The following HELZ2 variants were observed in gnomAD, a reference collection of about 807,000 sequenced individuals.
The protein encoded by HELZ2 is 3'-5' exoribonuclease HELZ2.
HELZ2 carries 143 observed loss-of-function variants against 208.8 expected under a neutral mutation model. The observed-to-expected ratio is 0.68, with a 90% CI of 0.60 to 0.79. The LOEUF (loss-of-function observed/expected upper bound fraction) is 0.79. HELZ2 is among the 30% of genes least tolerant of loss of function. The pLI is 0.00. For missense variants in HELZ2, 3,690 were observed against 3,794.5 expected (o/e 0.97, Z 0.72); for synonymous variants, 1,705 against 1,693.7 (o/e 1.01, Z -0.16).
At chr20:63,566,910 G>T in exon 6 of HELZ2, 1 of 1,609,492 alleles carries the variant, frequency 6.2e-7, no homozygotes. Flanking sequence ...TGGGCCAGGT[G>T]TTGTAGGCCT....
exon 8 of HELZ2, chr20:63,564,059 C>T: frequency 6.2e-7 from 1 of 1,605,354 alleles, no homozygotes; most frequent in Non-Finnish European, 8.5e-7. Context: ...GGGACTGCCC[C>T]CGCCGCCGTG....
In HELZ2 at chr20:63,563,732, G is replaced by A. The variant is rs768287959; in HGVS notation, c.5090C>T (p.Ala1697Val). Residue 1697 changes from alanine to valine, a missense_variant, in exon 8 of 19, where the codon GCC becomes GTC. Transcript: ENST00000467148. ...CCCATCGATGTCCCTGGCAGAGTAGGCAGAGCCCCCATGGCCCAGCGCCAG... is the reference window on the plus strand; with the variant it reads ...CCCATCGATGTCCCTGGCAGAGTAGACAGAGCCCCCATGGCCCAGCGCCAG... The A allele has an allele frequency of 1.9e-6, 3 of 1,598,756 alleles. No homozygotes were observed. In the Admixed American group the frequency reaches 5.1e-5, roughly 27 times the overall value.
chr20:63,559,158 C>A, downstream of HELZ2: 2 of 1,343,802 alleles, frequency 1.5e-6, no homozygotes, highest in Non-Finnish European at 1.9e-6. Context: ...CTGGCCCAGG[C>A]AGGCTGATGG....
intron 17 of HELZ2, 36 bp from the exon 19 acceptor site, chr20:63,560,131 G>GGCCCCCC: frequency 2.6e-6 from 4 of 1,530,994 alleles, no homozygotes; most frequent in Non-Finnish European, 3.5e-6. Context: ...CTGCCGCTGC[G>GGCCCCCC]CCCACCCTCC....
intron 18 of HELZ2, 69 bp downstream of exon 19, chr20:63,559,859 G>C (rs141784306): frequency 2.6e-6 from 4 of 1,544,024 alleles, no homozygotes; most frequent in Non-Finnish European, 2.6e-6. Flanking sequence ...GGCAGGAGTC[G>C]GCAGCTCCCT....
At chr20:63,573,379 C>T (rs1182719476), upstream of HELZ2, among the ~76,000 whole-genome samples, 1 of 152,204 alleles carries the variant, frequency 6.6e-6, no homozygotes, top group Non-Finnish European at 1.5e-5. The surrounding 1 kb of genome is among the most constrained non-coding windows in gnomAD (Gnocchi z 4.9). Flanking sequence ...GGACTCTCCC[C>T]ACCCTGACGC....
exon 8 of HELZ2, chr20:63,563,986 G>T (rs2082918996): frequency 6.2e-7 from 1 of 1,602,790 alleles, no homozygotes. Context: ...CGTAGTCCTG[G>T]GTGCGGGCAG....
chr20:63,566,884 C>T (rs755695402), exon 6 of HELZ2: 21 of 1,606,620 alleles, frequency 1.3e-5, no homozygotes, highest in Admixed American at 8.3e-5. Flanking sequence ...CCTCTGCTCG[C>T]GGCCGCCCCA....
chr20:63,566,169 C>T (rs1411159103), exon 8 of HELZ2: 3 of 1,536,394 alleles, frequency 2.0e-6, no homozygotes, highest in South Asian at 1.2e-5. Context: ...GCCAGTGCCC[C>T]AGGGCTGAGC....
intron 3 of HELZ2, chr20:63,570,275 C>G (rs1182986371): frequency 1.5e-6 from 1 of 679,678 alleles, no homozygotes; most frequent in South Asian, 1.5e-5. Context: ...CTTGTTTTAA[C>G]CCATATACTC....
chr20:63,568,346 G>C lies in HELZ2; in HGVS notation c.1730+12C>G. 2 of 1,600,202 alleles carry C rather than the reference G, an allele frequency of 1.2e-6. No individual in the cohort carries two copies. The highest frequency in any genetic ancestry group is 1.7e-6 in the Non-Finnish European group (2 of 1,170,174). On this transcript the variant is annotated intron_variant, in intron 5 of 18. Coordinates refer to ENST00000467148, the Ensembl canonical transcript of HELZ2. ...GTCAGGTGAGGTGGGGGCAGGCCAG[G>C]CTCGGGCTTACCTGTTGGTGTGTGT...
rs756289323 is a variant in HELZ2, at chr20:63,560,943, C to T, written c.7147-14G>A. 6.2e-7 allele frequency: 1 copy of T among 1,611,440 alleles called. No homozygotes were observed. Among genetic ancestry groups the T allele is most frequent in the Non-Finnish European group, 8.5e-7 (1 of 1,179,082 alleles). The stretch of plus-strand genomic sequence containing the variant: ...GAGAAGAACCACCTGGAGGAATAGG[C>T]AGGCCTGGCCCTGACACCCCTAGAC... On this transcript the variant is annotated splice_polypyrimidine_tract_variant and intron_variant, in intron 14 of 18. Coordinates refer to ENST00000467148, the Ensembl canonical transcript of HELZ2.
At chr20:63,563,807 G>T (rs1428686682) in exon 8 of HELZ2, 2 of 1,601,182 alleles carry the variant, frequency 1.2e-6, no homozygotes, top group Non-Finnish European at 1.7e-6. Flanking sequence ...GATGGGCGAG[G>T]TGGCCCACGT....
chr20:63,560,290 AC>A lies in HELZ2; in HGVS notation c.7537del (p.Val2513Ter), dbSNP rs757223942. 14 of 1,561,156 alleles carry A rather than the reference AC, an allele frequency of 9.0e-6. No homozygotes were observed. The highest frequency in any genetic ancestry group is 1.1e-5 in the Non-Finnish European group (13 of 1,157,224). On this transcript the variant is annotated frameshift_variant, in exon 17 of 19. Transcript: ENST00000467148. LOFTEE classifies it high-confidence loss of function. ...GAGGACGGCGATGTCCTGGGGCTCT[AC>A]GGTCCTCCCCAGGGTCAGCTGCTTG...
In HELZ2 at chr20:63,562,389, G is replaced by A; in HGVS notation, c.6303-7C>T. 4 of 1,576,422 alleles carry A rather than the reference G, an allele frequency of 2.5e-6. No homozygotes were observed. Among genetic ancestry groups the A allele is most frequent in the Non-Finnish European group, 3.4e-6 (4 of 1,169,728 alleles). On this transcript the variant is annotated splice_polypyrimidine_tract_variant and splice_region_variant and intron_variant, in intron 8 of 18. Transcript: ENST00000467148. ...CACGGCTTCCTCCTTGCGGCTGGGG[G>A]TGAAGGCAGACACTGGAAAACCAAC...
rs752246826 is a variant in HELZ2 at position 63,563,502 on chromosome 20, C to T, written c.5320G>A (p.Gly1774Ser). Residue 1774 changes from glycine (G) to serine (S), a missense_variant, in exon 8 of 19, where the codon GGC becomes AGC. Transcript: ENST00000467148. ...GGGTGCTCGGCCAGCTGCAGGGAGC[C>T]GTAGGGGACGGGGCAGGGGTCAGGC... is the stretch of plus-strand genomic sequence containing the variant. The T allele has an allele frequency of 1.7e-5, 26 of 1,512,238 alleles. No individual in the cohort carries two copies. The South Asian group carries it at 2.4e-4, about 14-fold the overall frequency. The allele number at this position is 1,512,238 out of a possible 1,614,324, so 93.7% of individuals were successfully genotyped here. A position where few individuals can be genotyped will look rare whatever the true frequency, so the allele number is the denominator to read the frequency against.
chr20:63,567,636 G>A lies in HELZ2; in HGVS notation c.1731-9C>T, dbSNP rs758468328. ...TGTAGATGTCGGCGGCACTGCGGGA[G>A]GGGGAGGAGCTCATGGGCTTCTTGC... On this transcript the variant is annotated splice_polypyrimidine_tract_variant and intron_variant, in intron 5 of 18. Transcript: ENST00000467148. 2 of 1,596,878 alleles carry A rather than the reference G, an allele frequency of 1.3e-6. No individual in the cohort carries two copies. Among genetic ancestry groups the A allele is most frequent in the Non-Finnish European group, 1.7e-6 (2 of 1,174,122 alleles).
exon 8 of HELZ2, chr20:63,563,971 C>T: frequency 6.3e-7 from 1 of 1,598,762 alleles, no homozygotes; most frequent in Non-Finnish European, 8.5e-7. Context: ...AGTCCACCAT[C>T]TGTTCGTAGT....
In HELZ2 at chr20:63,562,208, G is replaced by A. The variant is rs75626041; in HGVS notation, c.6398-5C>T. The A allele has an allele frequency of 1.1e-3, 1,764 of 1,611,896 alleles. 1 individual carries two copies. The highest frequency in any genetic ancestry group is 1.4e-3 in the Non-Finnish European group (1,660 of 1,179,702). ...CCAGGAACCTGCTGGGGATCACTGA[G>A]AGGGGGCAGCCTCCCTGAGCACTCA... On this transcript the variant is annotated splice_region_variant and splice_polypyrimidine_tract_variant and intron_variant, in intron 9 of 18. Coordinates refer to ENST00000467148, the Ensembl canonical transcript of HELZ2.
Sources: allele counts gnomAD v4.1 joint callset (sites outside exome capture counted in the v4.1 genomes callset), GRCh38; gene constraint gnomAD v4.1.1; non-coding constraint Gnocchi (gnomAD v3.1); transcripts MANE v1.5; gene names NCBI Gene and HGNC (gene_info 2026-07-23, HGNC 2026-07-21).